Variants in APMAP observed in about 807,000 individuals in gnomAD.
APMAP encodes adipocyte plasma membrane associated protein.
Under a neutral mutation model 43.6 loss-of-function variants are expected in APMAP, and 33 were observed. The ratio of observed to expected loss-of-function variants is 0.76; its 90% confidence interval spans 0.57 to 1.01. APMAP has a LOEUF of 1.01. Ranked by LOEUF, APMAP falls within the 50% of genes least tolerant of loss-of-function variation. The pLI, the probability that APMAP is intolerant of heterozygous loss-of-function variation, is 0.00. For synonymous variants in APMAP, 224 were observed against 216.7 expected (o/e 1.03, Z -0.30); for missense variants, 498 against 540.7 (o/e 0.92, Z 0.78).
chr20:24,984,023 C>T lies in APMAP; in HGVS notation c.96-4G>A. 2 of 1,606,648 alleles carry T rather than the reference C, an allele frequency of 1.2e-6. No homozygotes were observed. The highest frequency in any genetic ancestry group is 1.7e-6 in the Non-Finnish European group (2 of 1,173,640). Reference sequence around the variant, plus strand: ...GAAAACTCTGCCGCTAAAGGAGCTGCCAGAAATAAAAGATACAAAGGCAAT... The same window carrying T: ...GAAAACTCTGCCGCTAAAGGAGCTGTCAGAAATAAAAGATACAAAGGCAAT... On this transcript the variant is annotated splice_region_variant and splice_polypyrimidine_tract_variant and intron_variant, in intron 1 of 8. Coordinates refer to ENST00000217456, the MANE Select transcript of APMAP (RefSeq NM_020531.3).
Position 24,963,391 on chromosome 20 carries a change from G to A in APMAP, c.*422C>T, listed in dbSNP as rs2087913886. On this transcript the variant is annotated 3_prime_UTR_variant, in exon 9 of 9. Coordinates refer to ENST00000217456, the MANE Select transcript of APMAP (RefSeq NM_020531.3). ...CACCACAACGAAGAAAGGTATGACC[G>A]CACGTTATATATAGTAAAGAAGAAC... The A allele has an allele frequency of 1.6e-5, 3 of 186,570 alleles. No homozygotes were observed. The highest frequency in any genetic ancestry group is 5.5e-5 in the Admixed American group (1 of 18,166). 11.6% of individuals were successfully genotyped at this position (186,570 alleles called of 1,614,324 possible).
At chr20:24,986,984 A>C (rs6037002) in intron 1 of APMAP, among the ~76,000 whole-genome samples, 19,013 of 152,246 alleles carry the variant, frequency 0.12, 1,539 homozygotes, top group African/African-American at 0.22. Context: ...TCATACAACA[A>C]GTGACCTTTC....
chr20:24,982,204 C>T (rs1443960867), intron 2 of APMAP, among the ~76,000 whole-genome samples: 2 of 149,456 alleles, frequency 1.3e-5, no homozygotes, highest in African/African-American at 2.5e-5. Context: ...GAGAGAGACC[C>T]GTTGGCTGTG....
intron 1 of APMAP, among the ~76,000 whole-genome samples, chr20:24,987,249 A>G (rs2088155538): frequency 6.6e-6 from 1 of 152,174 alleles, no homozygotes; most frequent in East Asian, 1.9e-4. Context: ...CAGCCTCCCA[A>G]AGTAGCTAGG....
At chr20:24,972,861 G>T (rs1163171337) in intron 4 of APMAP, among the ~76,000 whole-genome samples, 1 of 152,088 alleles carries the variant, frequency 6.6e-6, no homozygotes, top group African/African-American at 2.4e-5. Flanking sequence ...CTTATTGCAG[G>T]GTGTTCACTG....
At chr20:24,987,959 G>C (rs1206393547) in intron 1 of APMAP, among the ~76,000 whole-genome samples, 1 of 152,188 alleles carries the variant, frequency 6.6e-6, no homozygotes, top group Non-Finnish European at 1.5e-5. Context: ...GTAAATGACA[G>C]AAACGCTTCT....
At chr20:24,964,957 T>G (rs2087930820) in intron 8 of APMAP, among the ~76,000 whole-genome samples, 1 of 152,138 alleles carries the variant, frequency 6.6e-6, no homozygotes, top group South Asian at 2.1e-4. Context: ...AAATGCCATC[T>G]CCTGCTGTTC....
At chr20:24,972,618 C>G (rs2088015392) in intron 4 of APMAP, among the ~76,000 whole-genome samples, 13 of 151,736 alleles carry the variant, frequency 8.6e-5, no homozygotes, top group Admixed American at 6.6e-4. Flanking sequence ...GGGGTGCTCA[C>G]TACAGGTGCT....
At chr20:24,976,558 T>A (rs1169777676) in intron 3 of APMAP, among the ~76,000 whole-genome samples, 1 of 152,186 alleles carries the variant, frequency 6.6e-6, no homozygotes, top group East Asian at 1.9e-4. Context: ...GGCGAGGACA[T>A]GGAGCATCAG....
At chr20:24,971,365 G>T in intron 5 of APMAP, 95 bp downstream of exon 5, 1 of 1,099,340 alleles carries the variant, frequency 9.1e-7, no homozygotes, top group Non-Finnish European at 1.3e-6. Context: ...GTCTTTAGTA[G>T]ACTGTTGCTA....
chr20:24,968,800 A>T (rs545092472), intron 8 of APMAP, 92 bp downstream of exon 8: 2 of 1,291,022 alleles, frequency 1.5e-6, no homozygotes, highest in Non-Finnish European at 2.1e-6. Flanking sequence ...AAATACTACA[A>T]GCAGAACTAG....
rs547895242 is a variant in APMAP, at chr20:24,979,460, C to G, written c.213-578G>C. ...TGAGCTGGGCCCTGGAGCCCTTCTACTCACAGACACGGCTCCAGAAACTCC... is the reference window on the plus strand; with the variant it reads ...TGAGCTGGGCCCTGGAGCCCTTCTAGTCACAGACACGGCTCCAGAAACTCC... On this transcript the variant is annotated intron_variant, in intron 2 of 8. Coordinates refer to ENST00000217456, the MANE Select transcript of APMAP (RefSeq NM_020531.3). 3.3e-5 allele frequency among the ~76,000 whole-genome samples: 5 copies of G among 152,306 alleles called. No homozygotes were observed. In the East Asian group the frequency reaches 9.7e-4, roughly 29 times the overall value.
intron 2 of APMAP, among the ~76,000 whole-genome samples, chr20:24,980,284 A>G (rs2122515525): frequency 6.6e-6 from 1 of 152,348 alleles, no homozygotes. Context: ...AACAGGAAGG[A>G]GCTAAGCGTT....
intron 2 of APMAP, among the ~76,000 whole-genome samples, chr20:24,979,370 C>G (rs1271879532): frequency 6.6e-6 from 1 of 152,202 alleles, no homozygotes; most frequent in Non-Finnish European, 1.5e-5. Context: ...CATGGTCCAG[C>G]ACAGGGCACG....
Position 24,973,707 on chromosome 20 carries a change from C to T in APMAP, c.359G>A (p.Arg120Gln), listed in dbSNP as rs115779992. 6.8e-5 allele frequency: 109 copies of T among 1,614,008 alleles called. No individual in the cohort carries two copies. The highest frequency in any genetic ancestry group is 8.1e-5 in the Non-Finnish European group (96 of 1,180,004). Reference protein sequence around the residue: ...DVMFTGTADGRVVKLENGEIE... With the variant: ...DVMFTGTADGQVVKLENGEIE... ...TTCACCATTTTCAAGTTTTACGACC[C>T]GGCCATCTGCTGTCCCAGTAAACAT... The change falls in exon 4 of 9, where the codon CGG becomes CAG. Residue 120 changes from arginine (R) to glutamine (Q), a missense_variant. Coordinates refer to ENST00000217456, the MANE Select transcript of APMAP (RefSeq NM_020531.3).
Position 24,973,639 on chromosome 20 carries a change from A to G in APMAP, c.421+6T>C, listed in dbSNP as rs1309930028. 11 of 1,612,692 alleles carry G rather than the reference A, an allele frequency of 6.8e-6. No individual in the cohort carries two copies. The highest frequency in any genetic ancestry group is 9.3e-6 in the Non-Finnish European group (11 of 1,178,838). On this transcript the variant is annotated splice_donor_region_variant and intron_variant, in intron 4 of 8. Coordinates refer to ENST00000217456, the MANE Select transcript of APMAP (RefSeq NM_020531.3). Reference sequence around the variant, plus strand: ...GAGACACATCGAGGGATTATCACCAACTTACTGCAAGGGCCCGAACCAAAC... The same window carrying G: ...GAGACACATCGAGGGATTATCACCAGCTTACTGCAAGGGCCCGAACCAAAC...
At position 24,992,561 on chromosome 20, in the gene APMAP, G is replaced by A. The variant is rs1311574626; in HGVS notation, c.95+33C>T. 11 of 1,455,874 alleles carry A rather than the reference G, an allele frequency of 7.6e-6. No individual in the cohort carries two copies. The Admixed American group carries it at 1.2e-4, about 15-fold the overall frequency. The allele number at this position is 1,455,874 out of a possible 1,614,324, so 90.2% of individuals were successfully genotyped here. ...GGTCGCCCTCCACTCCTAGCGGCCC[G>A]GCTCCAGCGCCCAGTCTGGGAGTCC... On this transcript the variant is annotated intron_variant, in intron 1 of 8. Transcript: ENST00000217456.
In APMAP at chr20:24,968,942, T is replaced by C. The variant is rs529900506; in HGVS notation, c.991A>G (p.Met331Val). The change falls in exon 8 of 9, where the codon ATG (methionine) becomes GTG (valine). Residue 331 changes from methionine to valine, a missense_variant. By Grantham distance (21) the Met-to-Val change is conservative. Coordinates refer to ENST00000217456, the MANE Select transcript of APMAP (RefSeq NM_020531.3). ...STIRPNPGFS[M>V]LDFLSERPWI... ...GGTCTCTCAGATAAGAAATCCAGCA[T>C]GGAAAACCCAGGGTTAGGGCGGATG... The C allele has an allele frequency of 6.2e-6, 10 of 1,612,476 alleles. No individual in the cohort carries two copies. Among genetic ancestry groups the C allele is most frequent in the East Asian group, 4.5e-5 (2 of 44,860 alleles).
intron 7 of APMAP, 35 bp from the exon 8 acceptor site, chr20:24,969,119 G>C (rs2087974693): frequency 2.0e-6 from 3 of 1,529,446 alleles, no homozygotes; most frequent in Admixed American, 4.5e-5. Flanking sequence ...GTGAACCATA[G>C]CCCCTCAATT....
Sources: allele counts gnomAD v4.1 joint callset (sites outside exome capture counted in the v4.1 genomes callset), GRCh38; gene constraint gnomAD v4.1.1; transcripts MANE v1.5; gene names NCBI Gene and HGNC (gene_info 2026-07-23, HGNC 2026-07-21).